ATP6V1G3: variants seen among roughly 807,000 people sequenced by gnomAD.
ATP6V1G3 encodes V-type proton ATPase subunit G 3.
ATP6V1G3 carries 9 observed loss-of-function variants against 9.3 expected under a neutral mutation model. The observed-to-expected ratio is 0.97, with a 90% confidence interval of 0.59 to 1.69. The LOEUF (loss-of-function observed/expected upper bound fraction) is 1.69, where lower values mean the gene tolerates loss of function less well. Ranked by LOEUF, ATP6V1G3 falls within the 40% of genes most tolerant of loss-of-function variation. The pLI, the probability that ATP6V1G3 is intolerant of heterozygous loss-of-function variation, is 0.00. For synonymous variants in ATP6V1G3, 43 were observed against 43.8 expected, an observed-to-expected ratio of 0.98 and a Z score of 0.07; for missense variants, 133 against 139.0, an observed-to-expected ratio of 0.96 and a Z score of 0.22.
At position 198,523,466 on chromosome 1, in the gene ATP6V1G3, A is replaced by G. The variant is rs1250368573; in HGVS notation, c.282T>C (p.Ser94=). The G allele has an allele frequency of 6.2e-7, 1 of 1,613,414 alleles. No homozygotes were observed. Among genetic ancestry groups the G allele is most frequent in the Non-Finnish European group, 8.5e-7 (1 of 1,179,800 alleles). Residue 94 remains serine (S), a synonymous_variant, in exon 3 of 3, where the codon AGT becomes AGC. Coordinates refer to ENST00000367382, the MANE Select transcript of ATP6V1G3 (RefSeq NM_001376861.1). ...LNGHYNKYME[S]VMNQLLSMVC... is the part of the protein sequence containing the mutation. ...CCATGCTCAAGAGCTGGTTCATCAC[A>G]CTTTCCATATACTTATTGTAGTGTC...
intron 1 of ATP6V1G3, among the ~76,000 whole-genome samples, chr1:198,535,843 G>A (rs1200897937): frequency 6.6e-6 from 1 of 152,134 alleles, no homozygotes; most frequent in Admixed American, 6.6e-5. Context: ...TGGCATCCAG[G>A]CAGAGCAGCT....
chr1:198,539,067 A>C (rs1571722484), intron 1 of ATP6V1G3, among the ~76,000 whole-genome samples: 1 of 152,166 alleles, frequency 6.6e-6, no homozygotes. Flanking sequence ...GAAATTGAGA[A>C]ATAGGTAAAG....
In ATP6V1G3 at chr1:198,523,481, A is replaced by T; in HGVS notation, c.267T>A (p.Asn89Lys). 2 of 1,613,460 alleles carry T rather than the reference A, an allele frequency of 1.2e-6. No individual in the cohort carries two copies. Among genetic ancestry groups the T allele is most frequent in the Non-Finnish European group, 1.7e-6 (2 of 1,179,736 alleles). ...GGTTCATCACACTTTCCATATACTTATTGTAGTGTCCATTAAGTTCTTGTA... is the reference window on the plus strand; with the variant it reads ...GGTTCATCACACTTTCCATATACTTTTTGTAGTGTCCATTAAGTTCTTGTA... The part of the protein sequence containing the change: ...GKIQELNGHY[N>K]KYMESVMNQL... The change falls in exon 3 of 3, where the codon AAT becomes AAA. Residue 89 changes from asparagine to lysine, a missense_variant. Transcript: ENST00000367382.
intron 2 of ATP6V1G3, among the ~76,000 whole-genome samples, chr1:198,528,200 C>G (rs1242858603): frequency 6.6e-6 from 1 of 151,992 alleles, no homozygotes; most frequent in Non-Finnish European, 1.5e-5. Flanking sequence ...CCATTTAATT[C>G]TAGAAAGGAC....
intron 1 of ATP6V1G3, among the ~76,000 whole-genome samples, chr1:198,531,188 C>T (rs1232031569): frequency 6.6e-6 from 1 of 152,102 alleles, no homozygotes; most frequent in Non-Finnish European, 1.5e-5. Context: ...ACAGGGAAAT[C>T]GTTGCTGGCA....
Position 198,539,109 on chromosome 1 carries a change from T to A in ATP6V1G3, c.82+1460A>T, listed in dbSNP as rs117619876. On this transcript the variant is annotated intron_variant, in intron 1 of 2. Transcript: ENST00000367382. ...TTCACTATCTTTCTTCTTCCTTTCCTCTTCTATCATCTCCACCTGGAGTCA... is the reference window on the plus strand; with the variant it reads ...TTCACTATCTTTCTTCTTCCTTTCCACTTCTATCATCTCCACCTGGAGTCA... 1.5e-3 allele frequency among the ~76,000 whole-genome samples: 223 copies of A among 152,316 alleles called. 5 individuals carry two copies. In the East Asian group the frequency reaches 0.034, roughly 24 times the overall value.
At chr1:198,532,331 G>T (rs1659934857) in intron 1 of ATP6V1G3, among the ~76,000 whole-genome samples, 1 of 152,080 alleles carries the variant, frequency 6.6e-6, no homozygotes, top group Admixed American at 6.6e-5. Flanking sequence ...AGAGAAGTTG[G>T]AGAAACCAAA....
rs1660128002 is a variant in ATP6V1G3 at position 198,536,733 on chromosome 1, A to G, written c.82+3836T>C. 4 of 1,599,008 alleles carry G rather than the reference A, an allele frequency of 2.5e-6. No individual in the cohort carries two copies. The African/African-American group carries it at 5.4e-5, about 21-fold the overall frequency. ...GAAAAGTAGATGCAGAACTTACAGCAGGGGTAAAAACAAATGGAATGAGAT... is the reference window on the plus strand; with the variant it reads ...GAAAAGTAGATGCAGAACTTACAGCGGGGGTAAAAACAAATGGAATGAGAT... On this transcript the variant is annotated intron_variant, in intron 1 of 2. Transcript: ENST00000367382.
intron 1 of ATP6V1G3, among the ~76,000 whole-genome samples, chr1:198,537,016 C>T (rs1660140317): frequency 6.6e-6 from 1 of 152,096 alleles, no homozygotes; most frequent in Non-Finnish European, 1.5e-5. Flanking sequence ...TCAACTCAAG[C>T]CAATGCTTTT....
At chr1:198,535,552 T>C (rs1010692402) in intron 1 of ATP6V1G3, among the ~76,000 whole-genome samples, 3 of 152,072 alleles carry the variant, frequency 2.0e-5, no homozygotes, top group African/African-American at 7.2e-5. Context: ...TGCCTCATAG[T>C]GGACCATGCT....
chr1:198,531,754 C>A (rs1215399954), intron 1 of ATP6V1G3, among the ~76,000 whole-genome samples: 1 of 152,072 alleles, frequency 6.6e-6, no homozygotes, highest in Non-Finnish European at 1.5e-5. Context: ...CACTAGGCAT[C>A]ATGGCAATAA....
intron 2 of ATP6V1G3, 57 bp downstream of exon 2, chr1:198,529,024 T>C: frequency 1.2e-6 from 1 of 807,494 alleles, no homozygotes; most frequent in Admixed American, 2.1e-5. Context: ...TTAAACCTTA[T>C]AAATATGAAG....
chr1:198,523,833 C>A (rs1023096532), intron 2 of ATP6V1G3, among the ~76,000 whole-genome samples: 3 of 152,120 alleles, frequency 2.0e-5, no homozygotes, highest in Non-Finnish European at 4.4e-5. Flanking sequence ...ATCATTAAAC[C>A]ATGCCCAGAA....
intron 1 of ATP6V1G3, among the ~76,000 whole-genome samples, chr1:198,534,986 A>G (rs1445815387): frequency 2.6e-5 from 4 of 152,108 alleles, no homozygotes; most frequent in Non-Finnish European, 5.9e-5. Context: ...CTCTTACACT[A>G]AATTTATTTC....
intron 2 of ATP6V1G3, among the ~76,000 whole-genome samples, 177 bp downstream of exon 2, chr1:198,528,904 G>C (rs78908094): frequency 0.01 from 1,558 of 151,398 alleles, 28 homozygotes; most frequent in African/African-American, 0.035. Flanking sequence ...TGCCTTGAAA[G>C]TGAAAATGTA....
At chr1:198,527,995 G>T (rs1241146777) in intron 2 of ATP6V1G3, among the ~76,000 whole-genome samples, 8 of 152,076 alleles carry the variant, frequency 5.3e-5, no homozygotes, top group Non-Finnish European at 1.0e-4. Flanking sequence ...AGGCCTCATG[G>T]TAGGGGCATG....
At chr1:198,536,201 G>A (rs946580368) in intron 1 of ATP6V1G3, among the ~76,000 whole-genome samples, 1 of 152,118 alleles carries the variant, frequency 6.6e-6, no homozygotes, top group African/African-American at 2.4e-5. Flanking sequence ...GAGTATTTCA[G>A]AACAATGTTA....
chr1:198,536,030 C>T (rs141951435), intron 1 of ATP6V1G3, among the ~76,000 whole-genome samples: 218 of 151,756 alleles, frequency 1.4e-3, no homozygotes, highest in African/African-American at 5.1e-3. Flanking sequence ...CAATCTATAT[C>T]CTGTAATGCA....
At chr1:198,540,524 C>T in intron 1 of ATP6V1G3, 45 bp downstream of exon 1, 1 of 1,583,810 alleles carries the variant, frequency 6.3e-7, no homozygotes, top group South Asian at 1.1e-5. Flanking sequence ...CTGCATTCCA[C>T]TGCTTTGTTT....
Sources: allele counts gnomAD v4.1 joint callset (sites outside exome capture counted in the v4.1 genomes callset), GRCh38; gene constraint gnomAD v4.1.1; transcripts MANE v1.5; gene names NCBI Gene and HGNC (gene_info 2026-07-23, HGNC 2026-07-21).